Variants in GRM5 observed in about 807,000 individuals in gnomAD.
The protein encoded by GRM5 is glutamate metabotropic receptor 5.
In GRM5, 19 loss-of-function variants were observed where a neutral mutation model predicts 83.1. The ratio of observed to expected loss-of-function variants is 0.23; its 90% confidence interval spans 0.16 to 0.34. The LOEUF is 0.34. GRM5 is among the 10% of genes least tolerant of loss of function. The pLI, the probability that GRM5 is intolerant of heterozygous loss-of-function variation, is 1.00. For synonymous variants in GRM5, 675 were observed against 633.6 expected, an observed-to-expected ratio of 1.07 and a Z score of -0.98; for missense variants, 1,160 against 1,588.3, an observed-to-expected ratio of 0.73 and a Z score of 4.58.
intron 7 of GRM5, among the ~76,000 whole-genome samples, chr11:88,588,252 G>C (rs1177546184): frequency 1.3e-5 from 2 of 152,136 alleles, no homozygotes; most frequent in Non-Finnish European, 2.9e-5. Flanking sequence ...TTGTTATTCT[G>C]TGTGAGCTAT....
At chr11:88,920,830 G>A (rs973227582) in intron 2 of GRM5, among the ~76,000 whole-genome samples, 4 of 152,108 alleles carry the variant, frequency 2.6e-5, no homozygotes, top group Non-Finnish European at 4.4e-5. Context: ...TGTTCTCTGA[G>A]AGCCCAGTGA....
At chr11:88,721,305 G>T (rs1350011492) in intron 3 of GRM5, among the ~76,000 whole-genome samples, 1 of 152,002 alleles carries the variant, frequency 6.6e-6, no homozygotes, top group African/African-American at 2.4e-5. Context: ...GTTGAGAAAG[G>T]TCCCGGGAAG....
chr11:89,012,287 A>G (rs1940722901), intron 2 of GRM5, among the ~76,000 whole-genome samples: 1 of 152,166 alleles, frequency 6.6e-6, no homozygotes, highest in South Asian at 2.1e-4. Context: ...TAATACTTGC[A>G]AATAAAGATC....
At chr11:89,032,642 C>A in intron 2 of GRM5, among the ~76,000 whole-genome samples, 1 of 152,052 alleles carries the variant, frequency 6.6e-6, no homozygotes, top group Non-Finnish European at 1.5e-5. Flanking sequence ...CACAACTGTC[C>A]TATGAGCCAA....
intron 3 of GRM5, among the ~76,000 whole-genome samples, chr11:88,753,855 C>T (rs983595104): frequency 2.0e-5 from 3 of 152,032 alleles, no homozygotes; most frequent in Non-Finnish European, 2.9e-5. Context: ...AGATGAAAGG[C>T]ACGTCTCACA....
chr11:89,029,765 C>T (rs1452813080), intron 2 of GRM5, among the ~76,000 whole-genome samples: 1 of 152,034 alleles, frequency 6.6e-6, no homozygotes, highest in East Asian at 1.9e-4. Context: ...TTAAAAAGTC[C>T]TTACATCTCT....
chr11:88,837,728 C>T (rs1243939893), intron 3 of GRM5, among the ~76,000 whole-genome samples: 2 of 152,108 alleles, frequency 1.3e-5, no homozygotes, highest in Non-Finnish European at 2.9e-5. Flanking sequence ...CAGCACCTCC[C>T]ACGTCAACTG....
chr11:89,002,418 A>AC (rs201912543), intron 2 of GRM5, among the ~76,000 whole-genome samples: 1 of 152,156 alleles, frequency 6.6e-6, no homozygotes. Context: ...TCCTAAAAAA[A>AC]ACTCAAAAAT....
At chr11:89,003,183 C>T (rs1453060567) in intron 2 of GRM5, among the ~76,000 whole-genome samples, 1 of 152,176 alleles carries the variant, frequency 6.6e-6, no homozygotes, top group Non-Finnish European at 1.5e-5. Context: ...GAATCAACTA[C>T]ATGCTACACA....
chr11:89,055,639 A>T (rs1941857090), intron 1 of GRM5, among the ~76,000 whole-genome samples: 1 of 152,038 alleles, frequency 6.6e-6, no homozygotes, highest in Admixed American at 6.6e-5. Flanking sequence ...ACAACTTGGT[A>T]TCAGCTCTTA....
At chr11:88,854,058 GTATATA>G (rs10525785) in intron 2 of GRM5, among the ~76,000 whole-genome samples, 2 of 121,198 alleles carry the variant, frequency 1.7e-5, no homozygotes, top group African/African-American at 6.2e-5. Flanking sequence ...AAAATGTGGT[GTATATA>G]TATATATATA....
At chr11:88,733,238 A>G (rs1228453969) in intron 3 of GRM5, among the ~76,000 whole-genome samples, 1 of 152,084 alleles carries the variant, frequency 6.6e-6, no homozygotes, top group Non-Finnish European at 1.5e-5. Flanking sequence ...CCCAGCATCT[A>G]AGATAATATC....
chr11:88,923,320 A>G (rs935081294), intron 2 of GRM5, among the ~76,000 whole-genome samples: 1 of 152,178 alleles, frequency 6.6e-6, no homozygotes, highest in African/African-American at 2.4e-5. Flanking sequence ...CAGTAGATGA[A>G]TGGATAAGGC....
chr11:88,756,476 A>T lies in GRM5; in HGVS notation c.911+93430T>A, dbSNP rs1036709684. On this transcript the variant is annotated intron_variant, in intron 3 of 9. Coordinates refer to ENST00000305447, the MANE Select transcript of GRM5 (RefSeq NM_001143831.3). ...TTGTAGTTATAAAATAAGAGATAAG[A>T]CATCAGCATGACAAGATTTTATAAA... Among the ~76,000 whole-genome samples the T allele has an allele frequency of 7.9e-5, 12 of 152,164 alleles. No homozygotes were observed. The South Asian group carries it at 1.4e-3, about 18-fold the overall frequency.
intron 3 of GRM5, among the ~76,000 whole-genome samples, chr11:88,810,932 T>A (rs1395335538): frequency 1.3e-5 from 2 of 152,128 alleles, no homozygotes; most frequent in Non-Finnish European, 2.9e-5. Flanking sequence ...AATCTGGTTG[T>A]GCTATTAACA....
intron 3 of GRM5, 112 bp from the exon 4 acceptor site, chr11:88,653,515 T>C (rs1591414464): frequency 1.5e-6 from 1 of 663,704 alleles, no homozygotes; most frequent in Non-Finnish European, 2.6e-6. Flanking sequence ...TCAGGCCCCA[T>C]GATGGTCCTA....
chr11:88,651,419 C>A (rs1457116675), intron 4 of GRM5, among the ~76,000 whole-genome samples: 1 of 151,982 alleles, frequency 6.6e-6, no homozygotes, highest in Non-Finnish European at 1.5e-5. Flanking sequence ...GCTTACCTTT[C>A]AGAACTCCTT....
chr11:88,814,891 C>T (rs1481420528), intron 3 of GRM5, among the ~76,000 whole-genome samples: 4 of 151,976 alleles, frequency 2.6e-5, no homozygotes, highest in African/African-American at 7.2e-5. Context: ...TAGAATAATC[C>T]TAATCATGTA....
At chr11:88,796,537 T>A (rs1943277784) in intron 3 of GRM5, among the ~76,000 whole-genome samples, 1 of 152,194 alleles carries the variant, frequency 6.6e-6, no homozygotes, top group Non-Finnish European at 1.5e-5. Context: ...CAATTCTGTA[T>A]GGTTACTTCT....
Sources: allele counts gnomAD v4.1 joint callset (sites outside exome capture counted in the v4.1 genomes callset), GRCh38; gene constraint gnomAD v4.1.1; transcripts MANE v1.5; gene names NCBI Gene and HGNC (gene_info 2026-07-23, HGNC 2026-07-21).